The following GRID2IP variants were observed in gnomAD, a reference collection of about 807,000 sequenced individuals.
The protein encoded by GRID2IP is Grid2 interacting protein.
In GRID2IP, 78 loss-of-function variants were observed where a neutral mutation model predicts 114.3. That is an observed-to-expected ratio of 0.68 (90% CI 0.57 to 0.82). The LOEUF is 0.82. GRID2IP is among the 40% of genes least tolerant of loss of function. GRID2IP has a pLI of 0.00. For synonymous variants in GRID2IP, 809 were observed against 724.0 expected, an observed-to-expected ratio of 1.12 and a Z score of -1.89; for missense variants, 1,727 against 1,678.5, an observed-to-expected ratio of 1.03 and a Z score of -0.51.
chr7:6,505,766 C>G, intron 14 of GRID2IP, 54 bp downstream of exon 14: 1 of 1,155,630 alleles, frequency 8.7e-7, no homozygotes, highest in Non-Finnish European at 1.3e-6. Context: ...AAGCCTGGGG[C>G]TGCCACAGAT....
Position 6,503,119 on chromosome 7 carries a change from G to C in GRID2IP, c.2952C>G (p.His984Gln). 1.3e-6 allele frequency: 2 copies of C among 1,549,992 alleles called. No homozygotes were observed. The highest frequency in any genetic ancestry group is 1.7e-6 in the Non-Finnish European group (2 of 1,146,220). The change falls in exon 17 of 22, where the codon CAC (histidine) becomes CAG (glutamine). Residue 984 changes from histidine to glutamine, a missense_variant. Transcript: ENST00000457091. ...TCTTCTCCTGGAGGGTGGCCTGGAA[G>C]TGGAGGCTGCGCAGGCGTGTCTTGT... is the stretch of plus-strand genomic sequence containing the variant. The part of the protein sequence containing the change: ...PEYKTRLRSL[H>Q]FQATLQEKTE...
Position 6,551,047 on chromosome 7 carries a change from G to A in GRID2IP, c.390C>T (p.His130=), listed in dbSNP as rs773743730. Residue 130 remains histidine (H), a synonymous_variant, in exon 1 of 22, where the codon CAC becomes CAT. Coordinates refer to ENST00000457091, the MANE Select transcript of GRID2IP (RefSeq NM_001145118.2). ...CTTGGGCCTTGCGCCTGCGCTCTCGGTGCACCGCGTCCGGGCGCTTGCGGC... is the reference window on the plus strand; with the variant it reads ...CTTGGGCCTTGCGCCTGCGCTCTCGATGCACCGCGTCCGGGCGCTTGCGGC... ...LAGRKRPDAV[H]RERRRKAQEF... 1.1e-5 allele frequency: 14 copies of A among 1,303,092 alleles called. No individual in the cohort carries two copies. Among genetic ancestry groups the A allele is most frequent in the Non-Finnish European group, 1.4e-5 (14 of 1,028,244 alleles). 80.7% of individuals were successfully genotyped at this position (1,303,092 alleles called of 1,614,324 possible).
At position 6,526,347 on chromosome 7, in the gene GRID2IP, G is replaced by A. The variant is rs556142114; in HGVS notation, c.834-38C>T. On this transcript the variant is annotated intron_variant, in intron 3 of 21. Coordinates refer to ENST00000457091, the MANE Select transcript of GRID2IP (RefSeq NM_001145118.2). This position sits in a 1 kb window ranked among gnomAD's most constrained non-coding sequence, Gnocchi z 7.6. Reference sequence around the variant, plus strand: ...GAAGGGGCGAGCAGCATGATGGAGAGGGGGCCCTGGGGCGCAGAGGTTGGA... The same window carrying A: ...GAAGGGGCGAGCAGCATGATGGAGAAGGGGCCCTGGGGCGCAGAGGTTGGA... 2.3e-5 allele frequency: 35 copies of A among 1,534,332 alleles called. No homozygotes were observed. The African/African-American group carries it at 4.0e-4, about 17-fold the overall frequency.
chr7:6,519,443 T>C lies in GRID2IP; in HGVS notation c.1268+1135A>G, dbSNP rs1779371649. Reference sequence around the variant, plus strand: ...CCAGCCTGGGTAACATAGTGAGACCTCCCCATCTTTTTTAAAAAACAAAAC... The same window carrying C: ...CCAGCCTGGGTAACATAGTGAGACCCCCCCATCTTTTTTAAAAAACAAAAC... On this transcript the variant is annotated intron_variant, in intron 7 of 21. Transcript: ENST00000457091. This position sits in a 1 kb window ranked among gnomAD's most constrained non-coding sequence, Gnocchi z 4.1. 6.6e-6 allele frequency among the ~76,000 whole-genome samples: 1 copy of C among 151,792 alleles called. No individual in the cohort carries two copies. The highest frequency in any genetic ancestry group is 2.1e-4 in the South Asian group (1 of 4,802).
rs1341016965 is a variant in GRID2IP, at chr7:6,520,677, C to T, written c.1169G>A (p.Arg390Gln). 9.7e-6 allele frequency: 15 copies of T among 1,551,558 alleles called. No individual in the cohort carries two copies. Among genetic ancestry groups the T allele is most frequent in the African/African-American group, 2.7e-5 (2 of 73,058 alleles). The part of the protein sequence containing the change: ...WVAEILPSSI[R>Q]VQGRTFSQQL... ...CTGGCTGAAGGTCCTCCCTTGGACC[C>T]GGATGCTGGACGGCAGGATCTCCGC... The change falls in exon 7 of 22, where the codon CGG (arginine) becomes CAG (glutamine). Residue 390 changes from arginine (R) to glutamine (Q), a missense_variant. By Grantham distance (43) the Arg-to-Gln change is conservative. Transcript: ENST00000457091. The surrounding 1 kb of genome is among the most constrained non-coding windows in gnomAD (Gnocchi z 4.6).
chr7:6,551,191 G>A lies in GRID2IP; in HGVS notation c.246C>T (p.Leu82=). 2.1e-6 allele frequency: 3 copies of A among 1,411,480 alleles called. No individual in the cohort carries two copies. The highest frequency in any genetic ancestry group is 1.5e-5 in the South Asian group (1 of 67,382). 87.4% of individuals were successfully genotyped at this position (1,411,480 alleles called of 1,614,324 possible). A position where few individuals can be genotyped will look rare whatever the true frequency, so the allele number is the denominator to read the frequency against. ...CPRVPPSLGV[L]PAPDGGPGPG... ...GGCCGGGGCCACCGTCGGGAGCCGG[G>A]AGCACGCCCAGACTGGGCGGCACAC... The change falls in exon 1 of 22, where the codon CTC becomes CTT. Residue 82 remains leucine, a synonymous_variant. Coordinates refer to ENST00000457091, the MANE Select transcript of GRID2IP (RefSeq NM_001145118.2).
chr7:6,519,417 A>T lies in GRID2IP; in HGVS notation c.1268+1161T>A, dbSNP rs1779370971. ...GATCACTTGAGCCCAAGAGTTCGAG[A>T]CCAGCCTGGGTAACATAGTGAGACC... On this transcript the variant is annotated intron_variant, in intron 7 of 21. Coordinates refer to ENST00000457091, the MANE Select transcript of GRID2IP (RefSeq NM_001145118.2). This position sits in a 1 kb window ranked among gnomAD's most constrained non-coding sequence, Gnocchi z 4.1. Among the ~76,000 whole-genome samples, 1 of 152,096 alleles carries T rather than the reference A, an allele frequency of 6.6e-6. No homozygotes were observed. Among genetic ancestry groups the T allele is most frequent in the African/African-American group, 2.4e-5 (1 of 41,424 alleles).
intron 2 of GRID2IP, among the ~76,000 whole-genome samples, chr7:6,527,063 C>T (rs2115080685): frequency 6.6e-6 from 1 of 152,214 alleles, no homozygotes; most frequent in South Asian, 2.1e-4. Flanking sequence ...CCCCTCAAAG[C>T]CAGTCCACGG....
intron 4 of GRID2IP, among the ~76,000 whole-genome samples, chr7:6,525,008 A>G (rs570665084): frequency 5.1e-4 from 77 of 152,032 alleles, no homozygotes; most frequent in Non-Finnish European, 8.5e-4. Context: ...CTCATCTCTT[A>G]AAATAAAATA....
chr7:6,545,479 C>T (rs1055821406), intron 1 of GRID2IP, among the ~76,000 whole-genome samples: 1 of 152,186 alleles, frequency 6.6e-6, no homozygotes, highest in African/African-American at 2.4e-5. Context: ...CCTCGATCTT[C>T]AGCCGAGAGC....
rs1779415291 is a variant in GRID2IP at position 6,521,715 on chromosome 7, C to G, written c.989+173G>C. ...CTGAGGTCCTGGCTAGAGTTGGCGA[C>G]TGGCGAGGAGGAGGGTTAGATTCAA... is the stretch of plus-strand genomic sequence containing the variant. On this transcript the variant is annotated intron_variant, in intron 5 of 21. Transcript: ENST00000457091. The surrounding 1 kb of genome is among the most constrained non-coding windows in gnomAD (Gnocchi z 4.1). 6.6e-6 allele frequency among the ~76,000 whole-genome samples: 1 copy of G among 152,188 alleles called. No individual in the cohort carries two copies. The highest frequency in any genetic ancestry group is 1.5e-5 in the Non-Finnish European group (1 of 68,042).
chr7:6,511,105 A>G, intron 8 of GRID2IP, 66 bp from the exon 9 acceptor site: 1 of 1,324,402 alleles, frequency 7.6e-7, no homozygotes, highest in Non-Finnish European at 9.7e-7. Flanking sequence ...CCTCCAAAAC[A>G]GGGAGGGGAG....
chr7:6,500,121 T>C (rs937486225), intron 20 of GRID2IP, among the ~76,000 whole-genome samples: 7 of 152,032 alleles, frequency 4.6e-5, no homozygotes, highest in Non-Finnish European at 7.4e-5. Flanking sequence ...TGAGGGATGC[T>C]AGAGTGGACT....
At chr7:6,501,645 C>A (rs1786418159) in intron 20 of GRID2IP, 136 bp downstream of exon 20, 1 of 692,710 alleles carries the variant, frequency 1.4e-6, no homozygotes, top group South Asian at 1.6e-5. Context: ...CTTCCAGGAC[C>A]CCTGGGTGCA....
chr7:6,518,861 C>G (rs1169867731), intron 7 of GRID2IP, among the ~76,000 whole-genome samples: 2 of 152,098 alleles, frequency 1.3e-5, no homozygotes, highest in African/African-American at 4.8e-5. Flanking sequence ...GAGCTAAACA[C>G]ATAGTAATTG....
chr7:6,500,978 A>G (rs1025000343), intron 20 of GRID2IP, among the ~76,000 whole-genome samples: 1 of 152,220 alleles, frequency 6.6e-6, no homozygotes, highest in Non-Finnish European at 1.5e-5. Flanking sequence ...CCCAGAGGAC[A>G]GATGGTACAG....
Position 6,509,605 on chromosome 7 carries a change from G to C in GRID2IP, c.1772-292C>G, listed in dbSNP as rs1786703754. ...AGCCACTGAACACCATTAACTCAAA[G>C]GGTGGAGGGGTTTCTCTAGGGCCCA... On this transcript the variant is annotated intron_variant, in intron 11 of 21. Coordinates refer to ENST00000457091, the MANE Select transcript of GRID2IP (RefSeq NM_001145118.2). The surrounding 1 kb of genome is among the most constrained non-coding windows in gnomAD (Gnocchi z 4.9). Among the ~76,000 whole-genome samples, 1 of 152,202 alleles carries C rather than the reference G, an allele frequency of 6.6e-6. No individual in the cohort carries two copies. The highest frequency in any genetic ancestry group is 1.5e-5 in the Non-Finnish European group (1 of 68,026).
In GRID2IP at chr7:6,508,835, G is replaced by A. The variant is rs1385192649; in HGVS notation, c.2127+123C>T. On this transcript the variant is annotated intron_variant, in intron 12 of 21. Transcript: ENST00000457091. This position sits in a 1 kb window ranked among gnomAD's most constrained non-coding sequence, Gnocchi z 5.6. ...GGTGGGATAGCTTGAGCTAGGGAGT[G>A]GGATAGCCTGGGGAAGATCCCAAGG... 2.8e-6 allele frequency: 4 copies of A among 1,406,532 alleles called. No homozygotes were observed. The highest frequency in any genetic ancestry group is 2.5e-5 in the East Asian group (1 of 39,462). The allele number at this position is 1,406,532 out of a possible 1,614,324, so 87.1% of individuals were successfully genotyped here.
At chr7:6,527,572 ACT>A (rs924003313) in intron 2 of GRID2IP, among the ~76,000 whole-genome samples, 2 of 151,598 alleles carry the variant, frequency 1.3e-5, no homozygotes, top group Non-Finnish European at 1.5e-5. Flanking sequence ...AGGGCTAGAA[ACT>A]CTCTCTCTTT....
Sources: gnomAD v4.1 joint callset for allele counts (sites outside exome capture counted in the v4.1 genomes callset) on GRCh38, gnomAD v4.1.1 for gene constraint, Gnocchi (gnomAD v3.1) non-coding constraint, MANE v1.5 for transcripts, NCBI Gene and HGNC (gene_info 2026-07-23, HGNC 2026-07-21) for gene names.